The following CACNA1C variants were observed in gnomAD, a reference collection of about 807,000 sequenced individuals.
CACNA1C encodes the protein calcium voltage-gated channel subunit alpha1 C.
CACNA1C carries 30 observed loss-of-function variants against 229.0 expected under a neutral mutation model. That is an observed-to-expected ratio of 0.13 (90% CI 0.10 to 0.18). The LOEUF (loss-of-function observed/expected upper bound fraction) is 0.18. Among genes scored for constraint, CACNA1C ranks in the 10% least tolerant of loss-of-function variants. CACNA1C has a pLI of 1.00. For synonymous variants in CACNA1C, 1,114 were observed against 1,132.5 expected, an observed-to-expected ratio of 0.98 and a Z score of 0.33; for missense variants, 1,658 against 2,845.0, an observed-to-expected ratio of 0.58 and a Z score of 9.49.
intron 1 of CACNA1C, among the ~76,000 whole-genome samples, chr12:2,059,876 T>C (rs2056798872): frequency 2.0e-5 from 3 of 152,288 alleles, no homozygotes; most frequent in South Asian, 2.1e-4. Context: ...TTGTTAGTGC[T>C]TCTGGCTAAA....
intron 1 of CACNA1C, among the ~76,000 whole-genome samples, chr12:2,045,876 T>G (rs920289721): frequency 6.6e-6 from 1 of 151,822 alleles, no homozygotes; most frequent in Admixed American, 6.6e-5. Flanking sequence ...AATTTTGAGA[T>G]GAAGACATCG....
At chr12:2,265,572 G>C (rs768246353) in intron 3 of CACNA1C, among the ~76,000 whole-genome samples, 1 of 152,198 alleles carries the variant, frequency 6.6e-6, no homozygotes, top group African/African-American at 2.4e-5. Context: ...TTTGTTCTGT[G>C]GTTGCTGAAT....
chr12:2,397,588 CT>C (rs753345668), intron 3 of CACNA1C, among the ~76,000 whole-genome samples: 3 of 152,228 alleles, frequency 2.0e-5, no homozygotes, highest in Non-Finnish European at 4.4e-5. Flanking sequence ...GGTAATCAGG[CT>C]TGTGGTTGCA....
chr12:2,508,932 C>T (rs1218799693), intron 8 of CACNA1C, among the ~76,000 whole-genome samples: 8 of 152,164 alleles, frequency 5.3e-5, no homozygotes, highest in African/African-American at 1.9e-4. Flanking sequence ...CTCCAGTCGA[C>T]TAGAATAAAG....
At chr12:2,311,040 G>C (rs150991657) in intron 3 of CACNA1C, among the ~76,000 whole-genome samples, 4 of 152,118 alleles carry the variant, frequency 2.6e-5, no homozygotes, top group Admixed American at 6.5e-5. Flanking sequence ...TTTCTTTCAC[G>C]CTTATGGCCA....
intron 3 of CACNA1C, among the ~76,000 whole-genome samples, chr12:2,332,402 A>G (rs2154515142): frequency 6.6e-6 from 1 of 152,378 alleles, no homozygotes; most frequent in East Asian, 1.9e-4. Flanking sequence ...CTTGTTGATG[A>G]ATAAGGACAA....
At chr12:2,059,006 G>A (rs2056386567) in intron 1 of CACNA1C, among the ~76,000 whole-genome samples, 1 of 152,182 alleles carries the variant, frequency 6.6e-6, no homozygotes, top group Non-Finnish European at 1.5e-5. Context: ...ACCCCTGGAG[G>A]CAGCTGTTTA....
At chr12:2,038,302 G>A (rs181983997) in intron 1 of CACNA1C, among the ~76,000 whole-genome samples, 1 of 152,116 alleles carries the variant, frequency 6.6e-6, no homozygotes, top group Non-Finnish European at 1.5e-5. Context: ...AGTCACGGTG[G>A]CACTCTGACA....
intron 3 of CACNA1C, among the ~76,000 whole-genome samples, chr12:2,305,964 A>G (rs747689069): frequency 2.0e-5 from 3 of 152,220 alleles, no homozygotes; most frequent in Non-Finnish European, 4.4e-5. Context: ...ATATTAGCTC[A>G]TGTAATCCTC....
chr12:2,186,541 T>TG (rs1566229451), intron 3 of CACNA1C, among the ~76,000 whole-genome samples: 1 of 152,142 alleles, frequency 6.6e-6, no homozygotes, highest in East Asian at 1.9e-4. Context: ...CTAAAAACCC[T>TG]GGGGGTCAGG....
chr12:2,412,049 C>T (rs908810128), intron 3 of CACNA1C, among the ~76,000 whole-genome samples: 6 of 152,038 alleles, frequency 3.9e-5, no homozygotes, highest in Admixed American at 1.3e-4. Context: ...CCCAAGACCC[C>T]GGCTCCCCAC....
intron 7 of CACNA1C, among the ~76,000 whole-genome samples, chr12:2,502,151 G>A (rs1246101312): frequency 1.3e-5 from 2 of 152,216 alleles, no homozygotes; most frequent in Non-Finnish European, 2.9e-5. Context: ...GCTTCCTTCT[G>A]CAGTTGCAGC....
intron 3 of CACNA1C, among the ~76,000 whole-genome samples, chr12:2,188,797 AGAAG>A (rs2097123364): frequency 6.6e-6 from 1 of 152,146 alleles, no homozygotes; most frequent in Non-Finnish European, 1.5e-5. Flanking sequence ...ATCCTTTAGA[AGAAG>A]GAAGAATAAG....
intron 9 of CACNA1C, among the ~76,000 whole-genome samples, chr12:2,526,098 G>A (rs2099818105): frequency 6.6e-6 from 1 of 152,180 alleles, no homozygotes; most frequent in Admixed American, 6.5e-5. Context: ...GCTCATTTAT[G>A]TCTTACTTTC....
intron 3 of CACNA1C, among the ~76,000 whole-genome samples, chr12:2,146,015 T>G (rs1271007339): frequency 1.3e-5 from 2 of 151,302 alleles, no homozygotes. Flanking sequence ...TTAGAGATAA[T>G]GTTTTTAAAA....
chr12:2,189,559 G>C (rs545734076), intron 3 of CACNA1C, among the ~76,000 whole-genome samples: 2 of 152,204 alleles, frequency 1.3e-5, no homozygotes, highest in African/African-American at 4.8e-5. Flanking sequence ...TGCGCGAGAT[G>C]AGGGGGCCAG....
At chr12:2,396,096 A>G (rs928314912) in intron 3 of CACNA1C, among the ~76,000 whole-genome samples, 1 of 152,110 alleles carries the variant, frequency 6.6e-6, no homozygotes, top group Non-Finnish European at 1.5e-5. Context: ...TCAGCTGACC[A>G]GGAAGTGTGT....
intron 13 of CACNA1C, among the ~76,000 whole-genome samples, chr12:2,576,200 G>T (rs1427820884): frequency 1.3e-5 from 2 of 152,212 alleles, no homozygotes; most frequent in Non-Finnish European, 2.9e-5. Flanking sequence ...GGAGCCGAGT[G>T]GGTCAGATGG....
Position 2,477,202 on chromosome 12 carries a change from G to A in CACNA1C, c.758-8902G>A, listed in dbSNP as rs530082706. ...TCATGGAGATCAGAAGTAAGCGTGG[G>A]CTAGTAGTCACAACCTGATGATGAC... On this transcript the variant is annotated intron_variant, in intron 5 of 46. Coordinates refer to ENST00000399655, the MANE Select transcript of CACNA1C (RefSeq NM_000719.7). Among the ~76,000 whole-genome samples the A allele has an allele frequency of 2.0e-5, 3 of 152,322 alleles. No homozygotes were observed. In the South Asian group the frequency reaches 6.2e-4, roughly 32 times the overall value.
Sources: allele counts gnomAD v4.1 joint callset (sites outside exome capture counted in the v4.1 genomes callset), GRCh38; gene constraint gnomAD v4.1.1; transcripts MANE v1.5; gene names NCBI Gene and HGNC (gene_info 2026-07-23, HGNC 2026-07-21).